Variants in ZIK1 observed in about 807,000 individuals in gnomAD.
ZIK1 encodes the protein zinc finger protein interacting with ribonucleoprotein K.
A neutral mutation model predicts 10.7 loss-of-function variants in ZIK1; 12 were observed. That is an observed-to-expected ratio of 1.12 (90% CI 0.72 to 1.81). The LOEUF (loss-of-function observed/expected upper bound fraction) is 1.81, where lower values mean the gene tolerates loss of function less well. ZIK1 is among the 40% of genes most tolerant of loss of function. ZIK1 has a pLI of 0.00. For synonymous variants in ZIK1, 190 were observed against 205.0 expected, an observed-to-expected ratio of 0.93 and a Z score of 0.63; for missense variants, 497 against 585.7, an observed-to-expected ratio of 0.85 and a Z score of 1.56.
chr19:57,586,391 C>T (rs141624691), intron 2 of ZIK1, among the ~76,000 whole-genome samples: 1,772 of 151,978 alleles, frequency 0.012, 27 homozygotes, highest in African/African-American at 0.04. Context: ...GGTGAAACTC[C>T]GTCTCCACTA....
intron 2 of ZIK1, among the ~76,000 whole-genome samples, chr19:57,586,226 A>G (rs748954617): frequency 7.9e-5 from 12 of 152,170 alleles, no homozygotes; most frequent in Non-Finnish European, 1.2e-4. Context: ...ATGGGTCACA[A>G]TTAGGAGTGG....
intron 2 of ZIK1, among the ~76,000 whole-genome samples, chr19:57,585,353 TG>T (rs1979053242): frequency 6.6e-6 from 1 of 152,004 alleles, no homozygotes; most frequent in African/African-American, 2.4e-5. Flanking sequence ...ATGAGAACAA[TG>T]GGAGGTTTAG....
Position 57,591,182 on chromosome 19 carries a change from C to T in ZIK1, c.1371C>T (p.His457=), listed in dbSNP as rs1568616829. The T allele has an allele frequency of 6.2e-7, 1 of 1,614,202 alleles. No homozygotes were observed. The highest frequency in any genetic ancestry group is 1.3e-5 in the African/African-American group (1 of 75,050). The change falls in exon 4 of 4, where the codon CAC becomes CAT. Residue 457 remains histidine, a synonymous_variant. Coordinates refer to ENST00000597850, the MANE Select transcript of ZIK1 (RefSeq NM_001010879.4). ...GTCTCATTCAACACCAAGTGGTTCA[C>T]ACTGGAGAAAGGCCTTATGAGTGCA... ...KSGLIQHQVV[H]TGERPYECNK...
At chr19:57,585,414 A>T (rs1470444918) in intron 2 of ZIK1, among the ~76,000 whole-genome samples, 1 of 152,194 alleles carries the variant, frequency 6.6e-6, no homozygotes, top group Non-Finnish European at 1.5e-5. Flanking sequence ...TTCACTGTTA[A>T]TGCAGCATAG....
At position 57,590,764 on chromosome 19, in the gene ZIK1, C is replaced by T; in HGVS notation, c.953C>T (p.Thr318Ile). The T allele has an allele frequency of 6.2e-7, 1 of 1,614,176 alleles. No individual in the cohort carries two copies. The highest frequency in any genetic ancestry group is 8.5e-7 in the Non-Finnish European group (1 of 1,180,036). ...SSLVDHQKIH[T>I]GARPYECSQC... ...CTTGTTGACCACCAGAAAATACACA[C>T]TGGAGCAAGGCCTTATGAGTGTAGC... The change falls in exon 4 of 4, where the codon ACT (threonine) becomes ATT (isoleucine). Residue 318 changes from threonine to isoleucine, a missense_variant. By Grantham distance (89) the Thr-to-Ile change is moderately conservative. Coordinates refer to ENST00000597850, the MANE Select transcript of ZIK1 (RefSeq NM_001010879.4).
intron 3 of ZIK1, chr19:57,589,398 T>C (rs1261387813): frequency 3.0e-6 from 3 of 985,302 alleles, no homozygotes; most frequent in African/African-American, 1.7e-5. Flanking sequence ...CTCATTTCTA[T>C]ATTTTCTTCT....
Position 57,584,291 on chromosome 19 carries a change from C to A in ZIK1, c.-66C>A. On this transcript the variant is annotated 5_prime_UTR_variant, in exon 1 of 4. Transcript: ENST00000597850. ...TAAGGGTCGGCGGCGGCGGGGTTGA[C>A]GGCTTTGCCTAGGTCCCTCCGCCCG... 6.5e-7 allele frequency: 1 copy of A among 1,532,724 alleles called. No homozygotes were observed. The highest frequency in any genetic ancestry group is 8.8e-7 in the Non-Finnish European group (1 of 1,137,158). The allele number at this position is 1,532,724 out of a possible 1,614,324, so 94.9% of individuals were successfully genotyped here. A position where few individuals can be genotyped will look rare whatever the true frequency, so the allele number is the denominator to read the frequency against.
At chr19:57,589,151 C>T in intron 3 of ZIK1, 1 of 457,906 alleles carries the variant, frequency 2.2e-6, no homozygotes, top group Non-Finnish European at 2.9e-6. Flanking sequence ...CAGTGCTGAT[C>T]ACTCACATGT....
At position 57,593,047 on chromosome 19, in the gene ZIK1, A is replaced by G. The variant is rs1045041399; in HGVS notation, c.*1772A>G. On this transcript the variant is annotated 3_prime_UTR_variant, in exon 4 of 4. Transcript: ENST00000597850. ...ACTCCATTTTTCCTGATGATGCACA[A>G]TTTTTTTTTTTTTTTTGAGATGGAG... is the stretch of plus-strand genomic sequence containing the variant. 1 of 141,198 alleles carries G rather than the reference A, an allele frequency of 7.1e-6. No homozygotes were observed. Among genetic ancestry groups the G allele is most frequent in the African/African-American group, 2.6e-5 (1 of 38,292 alleles). The allele number at this position is 141,198 out of a possible 1,614,324, so 8.7% of individuals were successfully genotyped here.
Position 57,590,449 on chromosome 19 carries a change from C to T in ZIK1, c.638C>T (p.Ser213Leu), listed in dbSNP as rs764789696. Reference protein sequence around the residue: ...DIRSQKSHYKSGECGKASRHK... With the variant: ...DIRSQKSHYKLGECGKASRHK... ...CGCAGTCAAAAAAGTCATTACAAGT[C>T]AGGTGAATGTGGGAAGGCTTCCAGG... Residue 213 changes from serine to leucine, a missense_variant, in exon 4 of 4, where the codon TCA (serine) becomes TTA (leucine). By Grantham distance (145) the Ser-to-Leu change is moderately radical. Coordinates refer to ENST00000597850, the MANE Select transcript of ZIK1 (RefSeq NM_001010879.4). 1.9e-6 allele frequency: 3 copies of T among 1,614,096 alleles called. No individual in the cohort carries two copies. Among genetic ancestry groups the T allele is most frequent in the East Asian group, 4.5e-5 (2 of 44,870 alleles).
rs1328837319 is a variant in ZIK1 at position 57,593,125 on chromosome 19, ACCT to A, written c.*1857_*1859del. On this transcript the variant is annotated 3_prime_UTR_variant, in exon 4 of 4. Transcript: ENST00000597850. ...AGTGGCATGATCTTGGCTCACTCCA[ACCT>A]CCTCCTGGGTTCCAGCGATTCTCCT... 6.6e-6 allele frequency: 1 copy of A among 151,148 alleles called. No homozygotes were observed. Among genetic ancestry groups the A allele is most frequent in the Non-Finnish European group, 1.5e-5 (1 of 67,864 alleles). The allele number at this position is 151,148 out of a possible 1,614,324, so 9.4% of individuals were successfully genotyped here. A position where few individuals can be genotyped will look rare whatever the true frequency, so the allele number is the denominator to read the frequency against.
intron 2 of ZIK1, among the ~76,000 whole-genome samples, chr19:57,588,144 T>G (rs1441063457): frequency 6.6e-6 from 1 of 151,726 alleles, no homozygotes; most frequent in African/African-American, 2.4e-5. Context: ...GAGGTAGCCG[T>G]GGGAGTGAGA....
In ZIK1 at chr19:57,584,617, G is replaced by C. The variant is rs572764231; in HGVS notation, c.33+228G>C. The C allele has an allele frequency of 1.3e-4, 187 of 1,390,884 alleles. No homozygotes were observed. In the African/African-American group the frequency reaches 2.5e-3, roughly 19 times the overall value. The allele number at this position is 1,390,884 out of a possible 1,614,324, so 86.2% of individuals were successfully genotyped here. A position where few individuals can be genotyped will look rare whatever the true frequency, so the allele number is the denominator to read the frequency against. On this transcript the variant is annotated intron_variant, in intron 1 of 3. Coordinates refer to ENST00000597850, the MANE Select transcript of ZIK1 (RefSeq NM_001010879.4). ...GTTCATACCTGGAGTGCCAAGGTGA[G>C]GAGTTTTCCCTCAATTCTTAGGATG...
chr19:57,591,310 T>C lies in ZIK1; in HGVS notation c.*35T>C. On this transcript the variant is annotated 3_prime_UTR_variant, in exon 4 of 4. Coordinates refer to ENST00000597850, the MANE Select transcript of ZIK1 (RefSeq NM_001010879.4). ...GAATGCAGCAAATGTGGAAGCGCCT[T>C]CAACTCAAGATCTATCATCATTTAG... 4 of 1,562,060 alleles carry C rather than the reference T, an allele frequency of 2.6e-6. No homozygotes were observed. Among genetic ancestry groups the C allele is most frequent in the Non-Finnish European group, 3.5e-6 (4 of 1,153,780 alleles).
Position 57,588,142 on chromosome 19 carries a change from C to T in ZIK1, c.73-397C>T, listed in dbSNP as rs115397199. Among the ~76,000 whole-genome samples, 345 of 151,618 alleles carry T rather than the reference C, an allele frequency of 2.3e-3. 2 individuals are homozygous for T. The highest frequency in any genetic ancestry group is 7.6e-3 in the African/African-American group (314 of 41,350). On this transcript the variant is annotated intron_variant, in intron 2 of 3. Transcript: ENST00000597850. ...TGGCAGGCAGAGGGGTGGAGGTAGC[C>T]GTGGGAGTGAGACTGAGCGAGTATG...
Position 57,584,201 on chromosome 19 carries a change from C to T in ZIK1, c.-156C>T, listed in dbSNP as rs1016851461. The T allele has an allele frequency of 1.5e-6, 2 of 1,368,488 alleles. No individual in the cohort carries two copies. The highest frequency in any genetic ancestry group is 1.5e-5 in the South Asian group (1 of 67,664). 84.8% of individuals were successfully genotyped at this position (1,368,488 alleles called of 1,614,324 possible). A position where few individuals can be genotyped will look rare whatever the true frequency, so the allele number is the denominator to read the frequency against. On this transcript the variant is annotated 5_prime_UTR_variant, in exon 1 of 4. Coordinates refer to ENST00000597850, the MANE Select transcript of ZIK1 (RefSeq NM_001010879.4). ...ATCCAGACCGTCAGAGCTTTGGGAGCGCTTTGTTTGGCGACAGTCGGAAGG... is the reference window on the plus strand; with the variant it reads ...ATCCAGACCGTCAGAGCTTTGGGAGTGCTTTGTTTGGCGACAGTCGGAAGG...
At chr19:57,589,237 G>C in intron 3 of ZIK1, 1 of 985,028 alleles carries the variant, frequency 1.0e-6, no homozygotes, top group Non-Finnish European at 1.2e-6. Flanking sequence ...GAGAAACCTG[G>C]TTGCTTTATA....
intron 2 of ZIK1, 128 bp from the exon 3 acceptor site, chr19:57,588,410 TG>T: frequency 8.9e-7 from 1 of 1,126,776 alleles, no homozygotes; most frequent in East Asian, 2.8e-5. Flanking sequence ...CAGTGATCAT[TG>T]GGACCATGAA....
rs1209450913 is a variant in ZIK1, at chr19:57,584,171, G to A, written c.-186G>A. ...GTGGCGGTCATTTTTGCAGCGCTTGGGTGCATCCAGACCGTCAGAGCTTTG... is the reference window on the plus strand; with the variant it reads ...GTGGCGGTCATTTTTGCAGCGCTTGAGTGCATCCAGACCGTCAGAGCTTTG... On this transcript the variant is annotated 5_prime_UTR_variant, in exon 1 of 4. Coordinates refer to ENST00000597850, the MANE Select transcript of ZIK1 (RefSeq NM_001010879.4). 2 of 1,151,422 alleles carry A rather than the reference G, an allele frequency of 1.7e-6. No individual in the cohort carries two copies. Among genetic ancestry groups the A allele is most frequent in the Non-Finnish European group, 2.4e-6 (2 of 845,292 alleles). The allele number at this position is 1,151,422 out of a possible 1,614,324, so 71.3% of individuals were successfully genotyped here.
Sources: allele counts gnomAD v4.1 joint callset (sites outside exome capture counted in the v4.1 genomes callset), GRCh38; gene constraint gnomAD v4.1.1; transcripts MANE v1.5; gene names NCBI Gene and HGNC (gene_info 2026-07-23, HGNC 2026-07-21).